SMU1: variants seen among roughly 807,000 people sequenced by gnomAD.
The protein encoded by SMU1 is SMU1 DNA replication regulator and spliceosomal factor, also known as WD40 repeat-containing protein SMU1.
In SMU1, 2 loss-of-function variants were observed where a neutral mutation model predicts 62.0. The observed-to-expected ratio is 0.03, with a 90% confidence interval of 0.01 to 0.10. The LOEUF (loss-of-function observed/expected upper bound fraction) is 0.10, where lower values mean the gene tolerates loss of function less well. Ranked by LOEUF, SMU1 falls within the 10% of genes least tolerant of loss-of-function variation. SMU1 has a pLI of 1.00. For synonymous variants in SMU1, 188 were observed against 212.4 expected (o/e 0.89, Z 1.00); for missense variants, 227 against 622.1 (o/e 0.36, Z 6.76).
intron 1 of SMU1, 122 bp downstream of exon 1, chr9:33,076,461 G>T: frequency 8.3e-7 from 1 of 1,198,940 alleles, no homozygotes; most frequent in South Asian, 1.3e-5. Context: ...GCTTCTTTGG[G>T]GGCAAGGAAA....
At position 33,050,830 on chromosome 9, in the gene SMU1, A is replaced by AAAAAAAT. The variant is rs1243805393; in HGVS notation, c.1290+2286_1290+2292dup. On this transcript the variant is annotated intron_variant, in intron 10 of 11. Transcript: ENST00000397149. ...GAGAAGGTGAGACTCCATCTCAAAA[A>AAAAAAAT]AAAAAATAAGGCCGGGCGCGGTGGC... is the stretch of plus-strand genomic sequence containing the variant. 5.8e-4 allele frequency among the ~76,000 whole-genome samples: 75 copies of AAAAAAAT among 128,288 alleles called. 1 individual carries two copies. Among genetic ancestry groups the AAAAAAAT allele is most frequent in the African/African-American group, 6.2e-4 (22 of 35,334 alleles). The allele number at this position is 128,288 out of a possible 152,430, so 84.2% of individuals were successfully genotyped here.
chr9:33,057,034 C>A, intron 7 of SMU1, 70 bp from the exon 8 acceptor site: 4 of 1,523,924 alleles, frequency 2.6e-6, no homozygotes, highest in Non-Finnish European at 3.5e-6. Context: ...GCCCACAGAG[C>A]CAAGCAAGAT....
chr9:33,068,105 G>A (rs997833091), intron 4 of SMU1, among the ~76,000 whole-genome samples: 3 of 152,286 alleles, frequency 2.0e-5, no homozygotes, highest in South Asian at 2.1e-4. Flanking sequence ...TCTCAATACT[G>A]TGACGAGTAA....
Position 33,068,876 on chromosome 9 carries a change from G to T in SMU1, c.449C>A (p.Ala150Asp). The T allele has an allele frequency of 6.2e-7, 1 of 1,614,134 alleles. No individual in the cohort carries two copies. Among genetic ancestry groups the T allele is most frequent in the South Asian group, 1.1e-5 (1 of 91,070 alleles). The change falls in exon 4 of 12, where the codon GCT becomes GAT. Residue 150 changes from alanine to aspartate, a missense_variant. Coordinates refer to ENST00000397149, the MANE Select transcript of SMU1 (RefSeq NM_018225.3). ...KRRAAIAQAL[A>D]GEVSVVPPSR... The stretch of plus-strand genomic sequence containing the variant: ...TGGAGGCACCACACTGACTTCGCCA[G>T]CTAAGGCCTGGGCAATTGCTGCTCT...
intron 11 of SMU1, 60 bp downstream of exon 11, chr9:33,048,039 CTTCAGAG>C: frequency 6.7e-7 from 1 of 1,494,780 alleles, no homozygotes; most frequent in African/African-American, 1.4e-5. Context: ...AAGGCACATA[CTTCAGAG>C]TTCAGAAAGA....
intron 4 of SMU1, among the ~76,000 whole-genome samples, chr9:33,066,747 A>T (rs1839425142): frequency 6.6e-6 from 1 of 151,976 alleles, no homozygotes; most frequent in Non-Finnish European, 1.5e-5. Flanking sequence ...CGGAGGTTGC[A>T]GTGAGCCAAG....
At chr9:33,073,004 T>C (rs1839504916) in intron 2 of SMU1, among the ~76,000 whole-genome samples, 3 of 152,174 alleles carry the variant, frequency 2.0e-5, no homozygotes, top group South Asian at 4.1e-4. Flanking sequence ...TGACCAGTGA[T>C]AGGGGTATCT....
intron 1 of SMU1, among the ~76,000 whole-genome samples, chr9:33,074,319 C>T (rs1390420683): frequency 6.6e-6 from 1 of 151,896 alleles, no homozygotes; most frequent in Non-Finnish European, 1.5e-5. Flanking sequence ...TTTAAATTAG[C>T]CAAACATGGT....
chr9:33,070,838 T>A (rs976693128), intron 3 of SMU1, among the ~76,000 whole-genome samples: 1 of 151,962 alleles, frequency 6.6e-6, no homozygotes, highest in African/African-American at 2.4e-5. Flanking sequence ...AACATGGAGA[T>A]AGAGAGTAGA....
chr9:33,054,907 C>T (rs1319404702), intron 9 of SMU1, among the ~76,000 whole-genome samples: 1 of 152,176 alleles, frequency 6.6e-6, no homozygotes, highest in Admixed American at 6.5e-5. Context: ...CAGTGACACG[C>T]TTTGCCCCAC....
rs1490054806 is a variant in SMU1, at chr9:33,046,642, G to GCA, written c.*649_*650dup. 1 of 149,688 alleles carries GCA rather than the reference G, an allele frequency of 6.7e-6. No homozygotes were observed. The highest frequency in any genetic ancestry group is 1.5e-5 in the Non-Finnish European group (1 of 67,808). The allele number at this position is 149,688 out of a possible 1,614,324, so 9.3% of individuals were successfully genotyped here. A position where few individuals can be genotyped will look rare whatever the true frequency, so the allele number is the denominator to read the frequency against. On this transcript the variant is annotated 3_prime_UTR_variant, in exon 12 of 12. Transcript: ENST00000397149. ...ATGGTGGCTCACGCCTGTGATCCCA[G>GCA]CACTTTGGGAGGCCAAGGCGGGTGG... is the stretch of plus-strand genomic sequence containing the variant.
chr9:33,051,240 A>G (rs1839245807), intron 10 of SMU1, among the ~76,000 whole-genome samples: 1 of 152,248 alleles, frequency 6.6e-6, no homozygotes, highest in Non-Finnish European at 1.5e-5. Flanking sequence ...TTATGTTTCC[A>G]ACTACATAAC....
intron 6 of SMU1, among the ~76,000 whole-genome samples, chr9:33,059,622 C>G (rs762160024): frequency 1.4e-5 from 2 of 146,498 alleles, no homozygotes; most frequent in African/African-American, 5.1e-5. Context: ...TTTTTTCCCC[C>G]GAGATGGAGT....
intron 4 of SMU1, among the ~76,000 whole-genome samples, chr9:33,067,353 T>C (rs1176558013): frequency 6.6e-6 from 1 of 150,426 alleles, no homozygotes; most frequent in Non-Finnish European, 1.5e-5. Context: ...AACATGGTAT[T>C]CAGCTATGGA....
chr9:33,063,499 A>T (rs1350476864), intron 4 of SMU1, among the ~76,000 whole-genome samples: 1 of 152,150 alleles, frequency 6.6e-6, no homozygotes, highest in Non-Finnish European at 1.5e-5. Context: ...AAACTCAATA[A>T]TTTTTGGTAT....
chr9:33,062,233 A>G (rs75992813), intron 4 of SMU1, 56 bp from the exon 5 acceptor site: 936 of 1,554,538 alleles, frequency 6.0e-4, no homozygotes, highest in East Asian at 1.5e-3. Flanking sequence ...AGATCTGGTC[A>G]TAAGTGCTCA....
intron 4 of SMU1, among the ~76,000 whole-genome samples, chr9:33,064,683 A>C (rs552875588): frequency 6.6e-6 from 1 of 152,202 alleles, no homozygotes; most frequent in South Asian, 2.1e-4. Flanking sequence ...AGTATTTCTA[A>C]GACTAGTATG....
At position 33,047,212 on chromosome 9, in the gene SMU1, C is replaced by CAAAA. The variant is rs34866457; in HGVS notation, c.*77_*80dup. The CAAAA allele has an allele frequency of 0.031, 19,753 of 642,888 alleles. 239 individuals are homozygous for CAAAA. The highest frequency in any genetic ancestry group is 0.084 in the East Asian group (2,462 of 29,262). The allele number at this position is 642,888 out of a possible 1,614,324, so 39.8% of individuals were successfully genotyped here. On this transcript the variant is annotated 3_prime_UTR_variant, in exon 12 of 12. Coordinates refer to ENST00000397149, the MANE Select transcript of SMU1 (RefSeq NM_018225.3). The stretch of plus-strand genomic sequence containing the variant: ...CAATCTATTTGCTTAGAAAAGCTGG[C>CAAAA]AAAAAAAAAAAAAAGCACATTACAT...
At position 33,060,445 on chromosome 9, in the gene SMU1, A is replaced by G; in HGVS notation, c.750+20T>C. On this transcript the variant is annotated intron_variant, in intron 6 of 11. Transcript: ENST00000397149. ...GGTAATTTTTCCACTAGGAAGGTTA[A>G]CACATTTAAAATACTTTACCTTTCT... The G allele has an allele frequency of 6.3e-7, 1 of 1,587,408 alleles. No individual in the cohort carries two copies. Among genetic ancestry groups the G allele is most frequent in the Non-Finnish European group, 8.5e-7 (1 of 1,172,612 alleles).
Sources: gnomAD v4.1 joint callset for allele counts (sites outside exome capture counted in the v4.1 genomes callset) on GRCh38, gnomAD v4.1.1 for gene constraint, MANE v1.5 for transcripts, NCBI Gene and HGNC (gene_info 2026-07-23, HGNC 2026-07-21) for gene names.